PDZK1: variants seen among roughly 807,000 people sequenced by gnomAD.
PDZK1 encodes PDZ domain containing 1, also known as Na(+)/H(+) exchange regulatory cofactor NHE-RF3.
In PDZK1, 23 loss-of-function variants were observed where a neutral mutation model predicts 38.1. The observed-to-expected ratio is 0.60, with a 90% CI of 0.43 to 0.85. The LOEUF is 0.85. Ranked by LOEUF, PDZK1 falls within the 40% of genes least tolerant of loss-of-function variation. The pLI is 0.00. For synonymous variants in PDZK1, 98 were observed against 186.2 expected (o/e 0.53, Z 3.86); for missense variants, 297 against 504.3 (o/e 0.59, Z 3.94).
At chr1:145,691,282 AGGAGCCAAG>A (rs1238121506) in intron 1 of PDZK1, among the ~76,000 whole-genome samples, 1 of 152,198 alleles carries the variant, frequency 6.6e-6, no homozygotes, top group African/African-American at 2.4e-5. Context: ...TGATTCATCT[AGGAGCCAAG>A]GGAGCTGGGC....
intron 1 of PDZK1, among the ~76,000 whole-genome samples, chr1:145,699,549 G>T (rs1655836989): frequency 6.6e-6 from 1 of 152,196 alleles, no homozygotes; most frequent in African/African-American, 2.4e-5. Context: ...TTGGGAAGAT[G>T]AAATGTTTCA....
rs1655828052 is a variant in PDZK1 at position 145,699,393 on chromosome 1, A to G, written c.-3+7924T>C. On this transcript the variant is annotated intron_variant, in intron 1 of 8. Transcript: ENST00000417171. ...AGATTGTACCACTCACTCCAGCCTC[A>G]GTGACACAGCAAGACTCCATCTCAA... 3.9e-5 allele frequency among the ~76,000 whole-genome samples: 6 copies of G among 152,310 alleles called. No individual in the cohort carries two copies. The South Asian group carries it at 1.2e-3, about 32-fold the overall frequency.
intron 1 of PDZK1, among the ~76,000 whole-genome samples, chr1:145,698,677 C>A (rs1344346299): frequency 6.6e-6 from 1 of 152,064 alleles, no homozygotes; most frequent in Non-Finnish European, 1.5e-5. Context: ...ACCTATAATC[C>A]CAGCACTTTG....
At chr1:145,693,369 C>T (rs1553703635) in intron 1 of PDZK1, among the ~76,000 whole-genome samples, 1 of 152,160 alleles carries the variant, frequency 6.6e-6, no homozygotes, top group East Asian at 1.9e-4. Context: ...CCTAGCTGCC[C>T]CTCAGAATCA....
Position 145,686,649 on chromosome 1 carries a change from CA to C in PDZK1, c.287del (p.Val96GlyfsTer7), listed in dbSNP as rs1249408532. 2 of 1,593,768 alleles carry C rather than the reference CA, an allele frequency of 1.3e-6. No individual in the cohort carries two copies. The highest frequency in any genetic ancestry group is 1.7e-5 in the Admixed American group (1 of 58,100). On this transcript the variant is annotated frameshift_variant, in exon 3 of 9. Transcript: ENST00000417171. LOFTEE classifies it high-confidence loss of function. ...VLDGDSYEKA[V>X]KTRVDLKELG... is the part of the protein sequence containing the mutation. ...ACTCTTTCAAGTCCACCCGTGTTTT[CA>C]CTGCTTTCTCATAGGAATCCCCATC...
At chr1:145,679,639 C>G (rs1654041651) in intron 5 of PDZK1, among the ~76,000 whole-genome samples, 1 of 152,132 alleles carries the variant, frequency 6.6e-6, no homozygotes, top group Non-Finnish European at 1.5e-5. Context: ...GGCTTTGGAA[C>G]TAAACAACTA....
intron 6 of PDZK1, among the ~76,000 whole-genome samples, chr1:145,677,017 C>A (rs587703106): frequency 1.3e-5 from 2 of 152,278 alleles, no homozygotes; most frequent in East Asian, 3.9e-4. Context: ...CCCTCTCTTA[C>A]AACTAAGGAA....
chr1:145,674,395 G>T (rs1281017703), intron 6 of PDZK1: 1 of 485,410 alleles, frequency 2.1e-6, no homozygotes, highest in African/African-American at 2.1e-5. Flanking sequence ...CAACTTGACT[G>T]GATTAAGGAA....
At chr1:145,674,124 T>C (rs1464336633) in intron 6 of PDZK1, 6 of 939,212 alleles carry the variant, frequency 6.4e-6, no homozygotes, top group Non-Finnish European at 2.5e-6. Flanking sequence ...ATAAAAGCAG[T>C]ATAGGATGCG....
At chr1:145,690,684 G>A (rs1335319081) in intron 1 of PDZK1, among the ~76,000 whole-genome samples, 1 of 152,186 alleles carries the variant, frequency 6.6e-6, no homozygotes, top group African/African-American at 2.4e-5. Context: ...ACGCCCTGCA[G>A]TGTCAACCAC....
At position 145,705,252 on chromosome 1, in the gene PDZK1, G is replaced by A. The variant is rs587769292; in HGVS notation, c.-3+2065C>T. 2.2e-3 allele frequency among the ~76,000 whole-genome samples: 333 copies of A among 152,114 alleles called. 1 individual carries two copies. Among genetic ancestry groups the A allele is most frequent in the Non-Finnish European group, 4.1e-3 (282 of 67,996 alleles). ...ACTACAGACAGGCAGTACCACGCCCGGCTAATTTTTGTATTTTTAGTAGAG... is the reference window on the plus strand; with the variant it reads ...ACTACAGACAGGCAGTACCACGCCCAGCTAATTTTTGTATTTTTAGTAGAG... On this transcript the variant is annotated intron_variant, in intron 1 of 8. Coordinates refer to ENST00000417171, the MANE Select transcript of PDZK1 (RefSeq NM_001201325.2).
chr1:145,671,591 C>G (rs587720768), intron 8 of PDZK1, 102 bp from the exon 9 acceptor site: 2 of 626,766 alleles, frequency 3.2e-6, no homozygotes, highest in Admixed American at 5.9e-5. Flanking sequence ...GAGTCACTCA[C>G]TAGAATTTCT....
intron 1 of PDZK1, among the ~76,000 whole-genome samples, chr1:145,690,750 A>G (rs1490796663): frequency 6.6e-6 from 1 of 152,200 alleles, no homozygotes; most frequent in Non-Finnish European, 1.5e-5. Flanking sequence ...CCTCCTCACT[A>G]GGAGAACCAG....
intron 1 of PDZK1, among the ~76,000 whole-genome samples, chr1:145,703,898 G>C (rs587702941): frequency 2.0e-5 from 3 of 151,546 alleles, no homozygotes. Context: ...GTGCGATCTC[G>C]GCTCACTGCA....
rs1654788604 is a variant in PDZK1, at chr1:145,686,528, A to T, written c.409T>A (p.Tyr137Asn). Residue 137 changes from tyrosine to asparagine, a missense_variant, in exon 3 of 9, where the codon TAT becomes AAT. By Grantham distance (143) the Tyr-to-Asn change is moderately radical. Coordinates refer to ENST00000417171, the MANE Select transcript of PDZK1 (RefSeq NM_001201325.2). ...TAGCTGCCTCCTTCCTTCACGAGAT[A>T]GCAGAGCCGGGGCTGGGTCCAAGTT... is the stretch of plus-strand genomic sequence containing the variant. ...VQTWTQPRLC[Y>N]LVKEGGSYGF... is the part of the protein sequence containing the mutation. 1 of 1,611,968 alleles carries T rather than the reference A, an allele frequency of 6.2e-7. No homozygotes were observed. The highest frequency in any genetic ancestry group is 1.3e-5 in the African/African-American group (1 of 74,934).
intron 1 of PDZK1, among the ~76,000 whole-genome samples, chr1:145,693,330 G>C (rs755766003): frequency 4.6e-4 from 70 of 152,182 alleles, no homozygotes; most frequent in South Asian, 1.0e-3. Flanking sequence ...TTTAATGCTC[G>C]CAATCACCTT....
At chr1:145,695,933 C>T (rs1418979895) in intron 1 of PDZK1, among the ~76,000 whole-genome samples, 2 of 152,194 alleles carry the variant, frequency 1.3e-5, no homozygotes, top group African/African-American at 4.8e-5. Flanking sequence ...TGTGACAACA[C>T]AGATGTCCAA....
chr1:145,703,883 C>G (rs1441000897), intron 1 of PDZK1, among the ~76,000 whole-genome samples: 1 of 151,734 alleles, frequency 6.6e-6, no homozygotes, highest in Non-Finnish European at 1.5e-5. Context: ...GGCTAGAGTG[C>G]AGTGGTGCGA....
At chr1:145,694,034 C>G (rs1271641689) in intron 1 of PDZK1, among the ~76,000 whole-genome samples, 1 of 152,200 alleles carries the variant, frequency 6.6e-6, no homozygotes, top group Non-Finnish European at 1.5e-5. Flanking sequence ...GTGTCACAAC[C>G]TGCAATCTGT....
Sources: allele counts gnomAD v4.1 joint callset (sites outside exome capture counted in the v4.1 genomes callset), GRCh38; gene constraint gnomAD v4.1.1; transcripts MANE v1.5; gene names NCBI Gene and HGNC (gene_info 2026-07-23, HGNC 2026-07-21).